The following CPVL variants were observed in gnomAD, a reference collection of about 807,000 sequenced individuals.
The protein encoded by CPVL is carboxypeptidase vitellogenic like.
Under a neutral mutation model 63.7 loss-of-function variants are expected in CPVL, and 51 were observed. The ratio of observed to expected loss-of-function variants is 0.80; its 90% CI spans 0.64 to 1.01. The LOEUF is 1.01. Among genes scored for constraint, CPVL ranks in the 50% least tolerant of loss-of-function variants. The pLI is 0.00. For synonymous variants in CPVL, 195 were observed against 206.0 expected (o/e 0.95, Z 0.46); for missense variants, 530 against 573.1 (o/e 0.92, Z 0.77).
At chr7:29,123,280 A>T (rs1789558892) in intron 1 of CPVL, among the ~76,000 whole-genome samples, 1 of 152,132 alleles carries the variant, frequency 6.6e-6, no homozygotes, top group Admixed American at 6.6e-5. Flanking sequence ...GTTTATAATT[A>T]TAATGTGATT....
At chr7:29,186,895 G>T (rs1483554161) in intron 1 of CPVL, among the ~76,000 whole-genome samples, 1 of 152,038 alleles carries the variant, frequency 6.6e-6, no homozygotes, top group Non-Finnish European at 1.5e-5. Flanking sequence ...AAAAAGAGCA[G>T]GGATGATAAT....
chr7:29,032,076 C>T (rs764989266), intron 11 of CPVL, among the ~76,000 whole-genome samples: 2 of 152,040 alleles, frequency 1.3e-5, no homozygotes, highest in Admixed American at 6.6e-5. Context: ...ACAAAGAGGT[C>T]GGCCTCAACT....
intron 2 of CPVL, among the ~76,000 whole-genome samples, chr7:29,119,562 T>G (rs949475485): frequency 2.6e-5 from 4 of 152,114 alleles, no homozygotes; most frequent in African/African-American, 9.7e-5. Context: ...GTGATACCTT[T>G]TTTCCTATTG....
At chr7:29,061,207 A>AGACC (rs1444585536) in intron 11 of CPVL, among the ~76,000 whole-genome samples, 3 of 152,166 alleles carry the variant, frequency 2.0e-5, no homozygotes, top group East Asian at 1.9e-4. Context: ...CAGGAGTTTG[A>AGACC]AATCAGCCTG....
chr7:29,120,473 A>G (rs1181338792), intron 2 of CPVL, among the ~76,000 whole-genome samples: 1 of 152,020 alleles, frequency 6.6e-6, no homozygotes, highest in Non-Finnish European at 1.5e-5. Flanking sequence ...ATTTGAAATA[A>G]AACAACTGAG....
intron 12 of CPVL, 52 bp from the exon 13 acceptor site, chr7:28,995,934 A>C: frequency 9.7e-7 from 1 of 1,030,468 alleles, no homozygotes; most frequent in Non-Finnish European, 1.5e-6. Context: ...GATATTCTAA[A>C]TACATGGAAA....
intron 1 of CPVL, among the ~76,000 whole-genome samples, chr7:29,134,752 G>A (rs1178045471): frequency 6.6e-6 from 1 of 152,098 alleles, no homozygotes; most frequent in African/African-American, 2.4e-5. Flanking sequence ...GAAATTAGAA[G>A]ATTGGTTCCA....
At chr7:29,035,181 G>A (rs317754) in intron 11 of CPVL, among the ~76,000 whole-genome samples, 41,179 of 151,932 alleles carry the variant, frequency 0.27, 7,284 homozygotes, top group African/African-American at 0.51. Context: ...GCTTTCATGT[G>A]CATAGAGCTT....
chr7:29,109,287 A>C (rs1788023184), intron 3 of CPVL, among the ~76,000 whole-genome samples: 1 of 152,216 alleles, frequency 6.6e-6, no homozygotes, highest in Admixed American at 6.5e-5. Context: ...TCACAGCAAT[A>C]ACAGGAAAAC....
rs565485486 is a variant in CPVL, at chr7:29,084,567, T to C, written c.609+1917A>G. 2.3e-4 allele frequency among the ~76,000 whole-genome samples: 35 copies of C among 152,320 alleles called. No individual in the cohort carries two copies. The South Asian group carries it at 7.0e-3, about 31-fold the overall frequency. On this transcript the variant is annotated intron_variant, in intron 7 of 12. Coordinates refer to ENST00000265394, the MANE Select transcript of CPVL (RefSeq NM_031311.5). Reference sequence around the variant, plus strand: ...AGGGCATGGATTTTTTTGTTGTTTTTCAGTGTTATTCACCATTATGTTCCT... The same window carrying C: ...AGGGCATGGATTTTTTTGTTGTTTTCCAGTGTTATTCACCATTATGTTCCT...
At chr7:29,099,072 AT>A (rs1786776404) in intron 3 of CPVL, among the ~76,000 whole-genome samples, 1 of 152,082 alleles carries the variant, frequency 6.6e-6, no homozygotes, top group Non-Finnish European at 1.5e-5. Flanking sequence ...TCTCAAAAAA[AT>A]AATAATAATA....
intron 12 of CPVL, among the ~76,000 whole-genome samples, chr7:29,026,738 C>G (rs974893885): frequency 5.3e-5 from 8 of 151,920 alleles, no homozygotes; most frequent in Non-Finnish European, 8.8e-5. Flanking sequence ...ACTGGAAAAC[C>G]TAGGGGAATG....
intron 6 of CPVL, among the ~76,000 whole-genome samples, chr7:29,087,358 A>C (rs979638172): frequency 4.3e-5 from 6 of 138,094 alleles, no homozygotes; most frequent in Admixed American, 2.4e-4. Context: ...AGGGAGGCTG[A>C]GGTTGCAGTG....
At chr7:29,081,893 C>T (rs66787585) in intron 7 of CPVL, among the ~76,000 whole-genome samples, 16,055 of 152,252 alleles carry the variant, frequency 0.11, 1,066 homozygotes, top group Middle Eastern at 0.15. Flanking sequence ...CAGACTGCTT[C>T]ACACCAAATC....
In CPVL at chr7:29,098,463, T is replaced by C. The variant is rs1334157764; in HGVS notation, c.289-2246A>G. Among the ~76,000 whole-genome samples the C allele has an allele frequency of 2.0e-5, 3 of 152,294 alleles. No individual in the cohort carries two copies. The East Asian group carries it at 5.8e-4, about 29-fold the overall frequency. Reference sequence around the variant, plus strand: ...CACCTCTCGGGCTCATTCTTGAGTGTTAACAAATTAAGCAACATAATTAAA... The same window carrying C: ...CACCTCTCGGGCTCATTCTTGAGTGCTAACAAATTAAGCAACATAATTAAA... On this transcript the variant is annotated intron_variant, in intron 3 of 12. Transcript: ENST00000265394.
At chr7:28,998,807 T>G (rs1430304956) in intron 12 of CPVL, among the ~76,000 whole-genome samples, 1 of 149,498 alleles carries the variant, frequency 6.7e-6, no homozygotes, top group East Asian at 2.0e-4. Context: ...TCTCTAAATA[T>G]AAATGAATAT....
At chr7:29,132,415 CCCTTGCTGCTG>C (rs1309592442) in intron 1 of CPVL, among the ~76,000 whole-genome samples, 1 of 152,104 alleles carries the variant, frequency 6.6e-6, no homozygotes, top group Non-Finnish European at 1.5e-5. Context: ...CACTGCTGGC[CCCTTGCTGCTG>C]CCTTCTTCCC....
chr7:29,117,106 A>G (rs973446195), intron 2 of CPVL, among the ~76,000 whole-genome samples: 1 of 152,216 alleles, frequency 6.6e-6, no homozygotes, highest in Non-Finnish European at 1.5e-5. Context: ...AGCCACTTAA[A>G]ATTCTGTTCA....
intron 3 of CPVL, 83 bp downstream of exon 3, chr7:29,112,621 C>T (rs1788356008): frequency 1.2e-6 from 1 of 856,834 alleles, no homozygotes; most frequent in East Asian, 2.5e-5. Context: ...TTTTAAAGAC[C>T]TGTAGCTCGG....
Sources: gnomAD v4.1 joint callset for allele counts (sites outside exome capture counted in the v4.1 genomes callset) on GRCh38, gnomAD v4.1.1 for gene constraint, MANE v1.5 for transcripts, NCBI Gene and HGNC (gene_info 2026-07-23, HGNC 2026-07-21) for gene names.